COL25A1: variants seen among roughly 807,000 people sequenced by gnomAD.
COL25A1 encodes collagen alpha-1(XXV) chain.
In COL25A1, 103 loss-of-function variants were observed where a neutral mutation model predicts 128.4. The ratio of observed to expected loss-of-function variants is 0.80; its 90% confidence interval spans 0.68 to 0.94. The LOEUF (loss-of-function observed/expected upper bound fraction) is 0.94. Among genes scored for constraint, COL25A1 ranks in the 40% least tolerant of loss-of-function variants. The probability of loss-of-function intolerance (pLI) is 0.00; values close to 1 mark genes in which losing one functional copy is unlikely to be tolerated. For missense variants in COL25A1, 745 were observed against 840.0 expected (o/e 0.89, Z 1.40); for synonymous variants, 279 against 277.2 (o/e 1.01, Z -0.06).
intron 3 of COL25A1, among the ~76,000 whole-genome samples, chr4:109,229,268 T>C (rs1004645177): frequency 1.3e-5 from 2 of 152,220 alleles, no homozygotes; most frequent in African/African-American, 2.4e-5. Flanking sequence ...GCAAAAGTTA[T>C]AGTGTATAAG....
chr4:108,953,894 T>C (rs149821198), intron 8 of COL25A1, among the ~76,000 whole-genome samples: 149 of 152,280 alleles, frequency 9.8e-4, no homozygotes, highest in Non-Finnish European at 1.6e-3. Context: ...CTTTGCCTCA[T>C]AGCACACTTA....
chr4:109,224,066 A>G (rs549315206), intron 3 of COL25A1, among the ~76,000 whole-genome samples: 1 of 152,278 alleles, frequency 6.6e-6, no homozygotes, highest in Admixed American at 6.5e-5. Flanking sequence ...TGGAATTTTT[A>G]ATGTTTTTTA....
At chr4:108,965,807 A>C (rs2125977895) in intron 8 of COL25A1, among the ~76,000 whole-genome samples, 1 of 152,312 alleles carries the variant, frequency 6.6e-6, no homozygotes, top group South Asian at 2.1e-4. Context: ...GTTACTGATA[A>C]AGAAATGAAG....
intron 3 of COL25A1, among the ~76,000 whole-genome samples, chr4:109,071,605 AAAAC>A (rs1451045472): frequency 1.3e-4 from 20 of 152,342 alleles, no homozygotes; most frequent in East Asian, 1.2e-3. Context: ...TTACAAGAAA[AAAAC>A]AAACAACCCC....
chr4:109,155,417 A>T (rs1303762057), intron 3 of COL25A1, among the ~76,000 whole-genome samples: 2 of 152,230 alleles, frequency 1.3e-5, no homozygotes, highest in African/African-American at 2.4e-5. Flanking sequence ...ACCGTAAGGT[A>T]CTTAAATTCC....
intron 3 of COL25A1, among the ~76,000 whole-genome samples, chr4:109,201,060 A>G (rs193184915): frequency 6.6e-6 from 1 of 152,124 alleles, no homozygotes; most frequent in Non-Finnish European, 1.5e-5. Context: ...GATATTCTCA[A>G]CAAGTCTCAA....
At chr4:108,946,211 T>C (rs548832832) in intron 8 of COL25A1, among the ~76,000 whole-genome samples, 1 of 152,234 alleles carries the variant, frequency 6.6e-6, no homozygotes, top group Non-Finnish European at 1.5e-5. Context: ...GAAGAAACAA[T>C]GCAAGCCTAC....
chr4:108,884,038 T>C, intron 19 of COL25A1, 140 bp downstream of exon 19: 1 of 669,454 alleles, frequency 1.5e-6, no homozygotes, highest in South Asian at 2.9e-5. Context: ...AATTTAAAAA[T>C]TTAGTTAGTT....
intron 6 of COL25A1, among the ~76,000 whole-genome samples, chr4:108,977,764 GTC>G (rs746612024): frequency 3.0e-4 from 45 of 152,302 alleles, no homozygotes; most frequent in Middle Eastern, 3.4e-3. Flanking sequence ...ATAGCCTAGT[GTC>G]TAAGGCAAAC....
intron 3 of COL25A1, among the ~76,000 whole-genome samples, chr4:109,158,952 C>A (rs1376729934): frequency 1.3e-5 from 2 of 152,006 alleles, no homozygotes; most frequent in Non-Finnish European, 2.9e-5. Context: ...GCTTTGCCTG[C>A]CAATGACATT....
intron 8 of COL25A1, among the ~76,000 whole-genome samples, chr4:108,953,985 T>G (rs1433892931): frequency 6.6e-6 from 1 of 152,186 alleles, no homozygotes; most frequent in African/African-American, 2.4e-5. Context: ...CACATTGTAA[T>G]TCAGAACACT....
At chr4:109,254,956 C>T (rs1384738930) in intron 3 of COL25A1, among the ~76,000 whole-genome samples, 1 of 152,196 alleles carries the variant, frequency 6.6e-6, no homozygotes, top group Non-Finnish European at 1.5e-5. Context: ...GAGCTAAGTG[C>T]TTTCGCAGAA....
intron 3 of COL25A1, among the ~76,000 whole-genome samples, chr4:109,268,080 G>GATTGAAAACTCAC (rs1781911715): frequency 6.6e-6 from 1 of 152,138 alleles, no homozygotes; most frequent in African/African-American, 2.4e-5. Context: ...TCATTTTACT[G>GATTGAAAACTCAC]ATTGAAAACT....
intron 3 of COL25A1, among the ~76,000 whole-genome samples, chr4:109,128,691 G>GT (rs959963238): frequency 1.3e-5 from 2 of 152,144 alleles, no homozygotes; most frequent in African/African-American, 4.8e-5. Flanking sequence ...TGACACTAAT[G>GT]TAAGACTAAA....
At chr4:108,915,545 A>T (rs79182407) in intron 13 of COL25A1, among the ~76,000 whole-genome samples, 2,973 of 152,250 alleles carry the variant, frequency 0.02, 96 homozygotes, top group African/African-American at 0.066. Flanking sequence ...TTTTTCAAAC[A>T]TAAGAAAATA....
intron 6 of COL25A1, among the ~76,000 whole-genome samples, chr4:108,983,277 A>G (rs538898234): frequency 6.6e-6 from 1 of 152,340 alleles, no homozygotes; most frequent in South Asian, 2.1e-4. Flanking sequence ...GTCGAAAGAA[A>G]GTATCAACTT....
intron 3 of COL25A1, among the ~76,000 whole-genome samples, chr4:109,268,021 C>T (rs1269096569): frequency 6.6e-6 from 1 of 152,078 alleles, no homozygotes; most frequent in Non-Finnish European, 1.5e-5. Context: ...AAATCTAAAA[C>T]TTTAAAATGT....
intron 21 of COL25A1, among the ~76,000 whole-genome samples, 167 bp from the exon 22 acceptor site, chr4:108,862,712 A>C (rs938944339): frequency 6.6e-6 from 1 of 152,230 alleles, no homozygotes; most frequent in African/African-American, 2.4e-5. Flanking sequence ...AATACTAAAC[A>C]TAAGTATCAT....
chr4:108,981,490 TTG>T (rs961557783), intron 6 of COL25A1, among the ~76,000 whole-genome samples: 1 of 152,152 alleles, frequency 6.6e-6, no homozygotes, highest in Non-Finnish European at 1.5e-5. Context: ...TATAGATAAA[TTG>T]TGTGTGTGGA....
Sources: allele counts gnomAD v4.1 joint callset (sites outside exome capture counted in the v4.1 genomes callset), GRCh38; gene constraint gnomAD v4.1.1; transcripts MANE v1.5; gene names NCBI Gene and HGNC (gene_info 2026-07-23, HGNC 2026-07-21).